Variants in SLAIN1 observed in about 807,000 individuals in gnomAD.
The protein encoded by SLAIN1 is SLAIN motif-containing protein 1.
A neutral mutation model predicts 55.4 loss-of-function variants in SLAIN1; 17 were observed. The ratio of observed to expected loss-of-function variants is 0.31; its 90% CI spans 0.21 to 0.46. SLAIN1 has a LOEUF of 0.46. SLAIN1 is among the 20% of genes least tolerant of loss of function. SLAIN1 has a pLI of 1.00. For missense variants in SLAIN1, 682 were observed against 785.1 expected, an observed-to-expected ratio of 0.87 and a Z score of 1.57; for synonymous variants, 348 against 337.4, an observed-to-expected ratio of 1.03 and a Z score of -0.35.
chr13:77,758,551 G>A (rs972746345), intron 5 of SLAIN1, among the ~76,000 whole-genome samples: 1 of 151,906 alleles, frequency 6.6e-6, no homozygotes, highest in Non-Finnish European at 1.5e-5. Flanking sequence ...GAATTTTTAT[G>A]GCTTCAGGTC....
intron 4 of SLAIN1, among the ~76,000 whole-genome samples, chr13:77,752,369 T>C (rs1437900241): frequency 1.3e-5 from 2 of 151,884 alleles, no homozygotes; most frequent in African/African-American, 2.4e-5. Context: ...AAGATTATTT[T>C]CTAACTTTTT....
chr13:77,738,587 G>A (rs1243722972), intron 2 of SLAIN1, among the ~76,000 whole-genome samples: 1 of 152,038 alleles, frequency 6.6e-6, no homozygotes, highest in Non-Finnish European at 1.5e-5. Context: ...GGAGCTAGAA[G>A]CCATTATCCT....
chr13:77,731,642 T>C (rs1450794164), intron 2 of SLAIN1, among the ~76,000 whole-genome samples: 2 of 152,048 alleles, frequency 1.3e-5, no homozygotes, highest in African/African-American at 4.8e-5. Context: ...AGCAGAAAAA[T>C]TACTTTCTTT....
In SLAIN1 at chr13:77,741,943, A is replaced by G. The variant is rs137948690; in HGVS notation, c.767-2340A>G. Among the ~76,000 whole-genome samples, 33 of 152,098 alleles carry G rather than the reference A, an allele frequency of 2.2e-4. No homozygotes were observed. The East Asian group carries it at 6.2e-3, about 29-fold the overall frequency. On this transcript the variant is annotated intron_variant, in intron 2 of 6. Coordinates refer to ENST00000418532, the MANE Select transcript of SLAIN1 (RefSeq NM_001242868.2). ...TTTCTTGAAGTTTAGCCTTGTTTAT[A>G]TTTTTTATATTATTCCTTCTGCTTA...
intron 2 of SLAIN1, among the ~76,000 whole-genome samples, chr13:77,728,503 C>G (rs2091328501): frequency 6.6e-6 from 1 of 152,156 alleles, no homozygotes; most frequent in Non-Finnish European, 1.5e-5. Flanking sequence ...ACAATTATAT[C>G]CTTGGCTCAT....
In SLAIN1 at chr13:77,763,280, A is replaced by G. The variant is rs1875206148; in HGVS notation, c.*60A>G. 7.3e-7 allele frequency: 1 copy of G among 1,366,868 alleles called. No homozygotes were observed. The highest frequency in any genetic ancestry group is 1.7e-5 in the Admixed American group (1 of 58,650). 84.7% of individuals were successfully genotyped at this position (1,366,868 alleles called of 1,614,324 possible). ...AGTAAAAATGAGGGTTGTGTTACCT[A>G]GCTGGCTGGGTAGCAGTGGATGTTG... On this transcript the variant is annotated 3_prime_UTR_variant, in exon 7 of 7. Transcript: ENST00000418532.
At chr13:77,726,127 G>A (rs533044955) in intron 2 of SLAIN1, among the ~76,000 whole-genome samples, 10 of 152,256 alleles carry the variant, frequency 6.6e-5, no homozygotes, top group African/African-American at 2.4e-4. Flanking sequence ...TTGAGATTGT[G>A]AGAACAAGCT....
chr13:77,746,760 G>C lies in SLAIN1; in HGVS notation c.1163G>C (p.Ser388Thr). 1.2e-6 allele frequency: 2 copies of C among 1,613,798 alleles called. No homozygotes were observed. The highest frequency in any genetic ancestry group is 1.7e-5 in the Admixed American group (1 of 59,956). The change falls in exon 4 of 7, where the codon AGT (serine) becomes ACT (threonine). Residue 388 changes from serine (S) to threonine (T), a missense_variant. Physicochemically the swap from Ser to Thr is moderately conservative, Grantham distance 58. Coordinates refer to ENST00000418532, the MANE Select transcript of SLAIN1 (RefSeq NM_001242868.2). ...SSIRECRRSP[S>T]SQYFPSNNYQ... ...ATTCGGGAGTGTAGGAGGAGCCCCA[G>C]TTCCCAGTATTTTCCTTCAAATAAT...
At chr13:77,736,071 A>G (rs868077727) in intron 2 of SLAIN1, among the ~76,000 whole-genome samples, 1 of 152,096 alleles carries the variant, frequency 6.6e-6, no homozygotes, top group Non-Finnish European at 1.5e-5. Flanking sequence ...AACATTTTCA[A>G]TCTCAGCTCT....
chr13:77,699,790 A>G (rs2091012875), intron 1 of SLAIN1, among the ~76,000 whole-genome samples: 1 of 152,180 alleles, frequency 6.6e-6, no homozygotes, highest in Non-Finnish European at 1.5e-5. Context: ...AGGTGTAAAA[A>G]AATCAAACAA....
At chr13:77,721,369 C>T (rs191461157) in intron 2 of SLAIN1, among the ~76,000 whole-genome samples, 2 of 152,154 alleles carry the variant, frequency 1.3e-5, no homozygotes, top group African/African-American at 2.4e-5. Flanking sequence ...TACCCAGTCT[C>T]AGGTAGTATC....
chr13:77,753,809 T>C (rs993880141), intron 5 of SLAIN1, among the ~76,000 whole-genome samples: 1 of 152,174 alleles, frequency 6.6e-6, no homozygotes, highest in Non-Finnish European at 1.5e-5. Flanking sequence ...GTTCCTTTTG[T>C]CTTGTTTTTC....
At chr13:77,703,898 T>C (rs371020055) in intron 1 of SLAIN1, among the ~76,000 whole-genome samples, 1 of 134,108 alleles carries the variant, frequency 7.5e-6, no homozygotes, top group Admixed American at 7.9e-5. Flanking sequence ...ATTATATATA[T>C]ATATATACAC....
At chr13:77,715,580 CA>C (rs1234484146) in intron 1 of SLAIN1, among the ~76,000 whole-genome samples, 1 of 152,074 alleles carries the variant, frequency 6.6e-6, no homozygotes, top group African/African-American at 2.4e-5. Flanking sequence ...TCAGTGGCAC[CA>C]AATCTTTCTT....
At chr13:77,733,551 T>G (rs2154410078) in intron 2 of SLAIN1, among the ~76,000 whole-genome samples, 1 of 152,264 alleles carries the variant, frequency 6.6e-6, no homozygotes, top group South Asian at 2.1e-4. Flanking sequence ...ACAAACTAAC[T>G]TTCTGATAAG....
chr13:77,761,982 T>C (rs1229305104), intron 6 of SLAIN1, among the ~76,000 whole-genome samples: 2 of 152,168 alleles, frequency 1.3e-5, no homozygotes, highest in Admixed American at 1.3e-4. Flanking sequence ...GAACAAGCAA[T>C]TTTTTTCTGT....
In SLAIN1 at chr13:77,698,012, G is replaced by C; in HGVS notation, c.99G>C (p.Gln33His). 2 of 1,434,412 alleles carry C rather than the reference G, an allele frequency of 1.4e-6. No individual in the cohort carries two copies. Among genetic ancestry groups the C allele is most frequent in the Non-Finnish European group, 1.8e-6 (2 of 1,082,884 alleles). The allele number at this position is 1,434,412 out of a possible 1,614,324, so 88.9% of individuals were successfully genotyped here. The change falls in exon 1 of 7, where the codon CAG (glutamine) becomes CAC (histidine). Residue 33 changes from glutamine to histidine, a missense_variant. Gln to His is a conservative substitution (Grantham distance 24). Around this residue, in one of 3 missense-constraint regions of SLAIN1, gnomAD observed 401 missense variants for 417.3 expected, o/e 0.96. Transcript: ENST00000418532. This position sits in a 1 kb window ranked among gnomAD's most constrained non-coding sequence, Gnocchi z 4.1. ...CGGAGCTGGAGGTGAAGAAGCTGCA[G>C]GAGCTGGTGCGCAAGCTGGAGAAGC... ...VNAELEVKKL[Q>H]ELVRKLEKQN...
At chr13:77,710,213 A>C (rs565151680) in intron 1 of SLAIN1, among the ~76,000 whole-genome samples, 17 of 152,332 alleles carry the variant, frequency 1.1e-4, no homozygotes, top group Middle Eastern at 3.4e-3. Context: ...GACAGGATCA[A>C]ATTCACACAT....
At chr13:77,753,057 A>G (rs1207196384) in intron 4 of SLAIN1, 146 bp from the exon 5 acceptor site, 1 of 735,644 alleles carries the variant, frequency 1.4e-6, no homozygotes, top group Non-Finnish European at 2.1e-6. Context: ...GTTTTCCTGT[A>G]CAATAGGTTA....
Sources: gnomAD v4.1 joint callset for allele counts (sites outside exome capture counted in the v4.1 genomes callset) on GRCh38, gnomAD v4.1.1 for gene constraint, gnomAD v4.1.1 regional missense constraint, Gnocchi (gnomAD v3.1) non-coding constraint, MANE v1.5 for transcripts, NCBI Gene and HGNC (gene_info 2026-07-23, HGNC 2026-07-21) for gene names.